NFIB: variants seen among roughly 807,000 people sequenced by gnomAD.
NFIB encodes nuclear factor I B, also known as nuclear factor 1 B-type.
A neutral mutation model predicts 61.5 loss-of-function variants in NFIB; 11 were observed. That is an observed-to-expected ratio of 0.18 (90% confidence interval 0.11 to 0.30). The LOEUF is 0.30. Ranked by LOEUF, NFIB falls within the 10% of genes least tolerant of loss-of-function variation. NFIB has a pLI of 1.00. For missense variants in NFIB, 471 were observed against 608.9 expected, an observed-to-expected ratio of 0.77 and a Z score of 2.38; for synonymous variants, 260 against 216.5, an observed-to-expected ratio of 1.20 and a Z score of -1.76.
chr9:14,491,220 A>G, the NFIB span, among the ~76,000 whole-genome samples: 1 of 152,188 alleles, frequency 6.6e-6, no homozygotes, highest in South Asian at 2.1e-4. Flanking sequence ...AAGCTCTGAG[A>G]ACCATATATG....
chr9:14,427,901 A>T, the NFIB span, among the ~76,000 whole-genome samples: 2 of 141,710 alleles, frequency 1.4e-5, no homozygotes, highest in Non-Finnish European at 3.1e-5. Flanking sequence ...CTTCTTCTAG[A>T]AAAGGTACAG....
At chr9:14,463,968 C>G in the NFIB span, among the ~76,000 whole-genome samples, 2 of 152,174 alleles carry the variant, frequency 1.3e-5, no homozygotes, top group Non-Finnish European at 2.9e-5. Flanking sequence ...CCTCTCCCTG[C>G]TTTTCTAAAA....
upstream of NFIB, among the ~76,000 whole-genome samples, chr9:14,318,505 C>CTTTTTT (rs34481505): frequency 2.1e-4 from 14 of 66,852 alleles, no homozygotes; most frequent in East Asian, 5.1e-4. Flanking sequence ...CACTCGATGC[C>CTTTTTT]TTTTTTTTTT....
At chr9:14,256,865 A>G (rs907625446) in intron 2 of NFIB, among the ~76,000 whole-genome samples, 7 of 152,154 alleles carry the variant, frequency 4.6e-5, no homozygotes, top group African/African-American at 1.4e-4. Context: ...CTGCCTTTGA[A>G]ATAGAACCAG....
chr9:14,157,469 A>G (rs7044402), intron 3 of NFIB, among the ~76,000 whole-genome samples: 115,244 of 152,072 alleles, frequency 0.76, 44,399 homozygotes, highest in Non-Finnish European at 0.83. Flanking sequence ...CTCAGTAGGG[A>G]ATAAAACAGG....
intron 10 of NFIB, among the ~76,000 whole-genome samples, chr9:14,090,144 CT>C (rs111302856): frequency 0.083 from 12,665 of 152,052 alleles, 1,750 homozygotes; most frequent in African/African-American, 0.29. Flanking sequence ...ATTTGATCCC[CT>C]ATAAAAAGAA....
intron 1 of NFIB, among the ~76,000 whole-genome samples, chr9:14,378,119 T>C (rs1564042765): frequency 6.6e-6 from 1 of 152,222 alleles, no homozygotes; most frequent in Non-Finnish European, 1.5e-5. Context: ...ATGAGTGGCA[T>C]GATCTGATTA....
chr9:14,171,226 G>C (rs1169327097), intron 3 of NFIB, among the ~76,000 whole-genome samples: 1 of 152,164 alleles, frequency 6.6e-6, no homozygotes, highest in Non-Finnish European at 1.5e-5. Context: ...TTTAAATGCT[G>C]CTCAAGCCTT....
chr9:14,451,960 C>T, the NFIB span, among the ~76,000 whole-genome samples: 1 of 152,000 alleles, frequency 6.6e-6, no homozygotes, highest in Non-Finnish European at 1.5e-5. Context: ...TACTCAAAGC[C>T]CCTTGGGGCT....
rs149640281 is a variant in NFIB at position 14,200,380 on chromosome 9, A to C, written c.563-20600T>G. Among the ~76,000 whole-genome samples the C allele has an allele frequency of 3.3e-3, 502 of 152,282 alleles. 4 individuals are homozygous for C. Among genetic ancestry groups the C allele is most frequent in the African/African-American group, 0.012 (486 of 41,558 alleles). On this transcript the variant is annotated intron_variant, in intron 2 of 10. Transcript: ENST00000380953. The stretch of plus-strand genomic sequence containing the variant: ...AGGACCCCAGAATCTGTTTCAGTGA[A>C]GTTAGACCAAGGAATAAAACACAAT...
chr9:14,273,060 C>T (rs894605812), intron 2 of NFIB, among the ~76,000 whole-genome samples: 2 of 152,076 alleles, frequency 1.3e-5, no homozygotes, highest in Admixed American at 6.6e-5. Flanking sequence ...AGAAAACATG[C>T]CCAGCCAGGG....
rs190354601 is a variant in NFIB at position 14,110,885 on chromosome 9, C to T, written c.1467+2114G>A. Reference sequence around the variant, plus strand: ...CATTATAAAATAAAGCATATATGGGCTTCTTCAAATTAAAAAGCAGCACTA... The same window carrying T: ...CATTATAAAATAAAGCATATATGGGTTTCTTCAAATTAAAAAGCAGCACTA... On this transcript the variant is annotated intron_variant, in intron 10 of 10. Coordinates refer to ENST00000380953, the MANE Select transcript of NFIB (RefSeq NM_001190737.2). Among the ~76,000 whole-genome samples the T allele has an allele frequency of 4.6e-5, 7 of 152,148 alleles. No individual in the cohort carries two copies. In the East Asian group the frequency reaches 1.4e-3, roughly 29 times the overall value.
At chr9:14,418,348 C>T in the NFIB span, among the ~76,000 whole-genome samples, 1 of 152,204 alleles carries the variant, frequency 6.6e-6, no homozygotes, top group Non-Finnish European at 1.5e-5. Context: ...TCCACAATGG[C>T]TCCCACCATG....
the NFIB span, among the ~76,000 whole-genome samples, chr9:14,460,312 G>A: frequency 6.6e-6 from 1 of 150,930 alleles, no homozygotes; most frequent in Admixed American, 6.6e-5. Context: ...GGTGGGAATT[G>A]AACAATGAGA....
intron 3 of NFIB, among the ~76,000 whole-genome samples, chr9:14,178,153 A>G (rs957507338): frequency 3.3e-5 from 5 of 152,146 alleles, no homozygotes; most frequent in Admixed American, 2.0e-4. Flanking sequence ...TTGTAAGATG[A>G]GTAAGGAGAC....
At chr9:14,346,850 TC>T (rs2061029370) in intron 1 of NFIB, among the ~76,000 whole-genome samples, 1 of 152,156 alleles carries the variant, frequency 6.6e-6, no homozygotes, top group Non-Finnish European at 1.5e-5. Context: ...GAACAGGGTC[TC>T]CTATCAACTG....
At chr9:14,142,847 T>G (rs2041901518) in intron 6 of NFIB, among the ~76,000 whole-genome samples, 1 of 152,180 alleles carries the variant, frequency 6.6e-6, no homozygotes, top group East Asian at 1.9e-4. Flanking sequence ...AGACCAGGAT[T>G]TACAGAAGAG....
At chr9:14,246,947 G>A (rs1030701695) in intron 2 of NFIB, among the ~76,000 whole-genome samples, 1 of 152,168 alleles carries the variant, frequency 6.6e-6, no homozygotes, top group Non-Finnish European at 1.5e-5. Context: ...CTACAAAGAA[G>A]AGATGCCAAT....
At chr9:14,375,505 C>A (rs2061408239) in intron 1 of NFIB, among the ~76,000 whole-genome samples, 1 of 152,000 alleles carries the variant, frequency 6.6e-6, no homozygotes, top group Admixed American at 6.6e-5. Context: ...AAAATACAAA[C>A]AAATTATCTG....
Sources: gnomAD v4.1 joint callset for allele counts (sites outside exome capture counted in the v4.1 genomes callset) on GRCh38, gnomAD v4.1.1 for gene constraint, MANE v1.5 for transcripts, NCBI Gene and HGNC (gene_info 2026-07-23, HGNC 2026-07-21) for gene names.